Variants in SCGN observed in about 807,000 individuals in gnomAD.
SCGN encodes the protein secretagogin, EF-hand calcium binding protein, also known as secretagogin.
Under a neutral mutation model 39.7 loss-of-function variants are expected in SCGN, and 30 were observed. The observed-to-expected ratio is 0.76, with a 90% CI of 0.57 to 1.03. The LOEUF (loss-of-function observed/expected upper bound fraction) is 1.03, where lower values mean the gene tolerates loss of function less well. Among genes scored for constraint, SCGN ranks in the 50% least tolerant of loss-of-function variants. The pLI is 0.00. For missense variants in SCGN, 353 were observed against 349.4 expected, an observed-to-expected ratio of 1.01 and a Z score of -0.08; for synonymous variants, 106 against 114.1, an observed-to-expected ratio of 0.93 and a Z score of 0.45.
chr6:25,663,040 G>C (rs940050524), intron 3 of SCGN, among the ~76,000 whole-genome samples: 10 of 152,194 alleles, frequency 6.6e-5, no homozygotes, highest in Non-Finnish European at 1.2e-4. Flanking sequence ...CAACCATTTT[G>C]TCTTGTAATC....
At chr6:25,665,608 T>A (rs1015955080) in intron 4 of SCGN, among the ~76,000 whole-genome samples, 12 of 152,142 alleles carry the variant, frequency 7.9e-5, no homozygotes, top group Non-Finnish European at 1.8e-4. Flanking sequence ...AGCCTCTCAG[T>A]GTTACTGCTC....
chr6:25,690,175 G>A lies in SCGN; in HGVS notation c.633+643G>A, dbSNP rs144820707. 5.9e-3 allele frequency among the ~76,000 whole-genome samples: 905 copies of A among 152,308 alleles called. 8 individuals are homozygous for A. Among genetic ancestry groups the A allele is most frequent in the Non-Finnish European group, 0.01 (694 of 68,032 alleles). On this transcript the variant is annotated intron_variant, in intron 9 of 10. Transcript: ENST00000377961. ...GTCTAGCATAGAGGTGGTTAAACAC[G>A]TGGCTTCTGTGACCAATTACCTAGG... is the stretch of plus-strand genomic sequence containing the variant.
At chr6:25,658,970 G>A (rs1760284215) in intron 2 of SCGN, among the ~76,000 whole-genome samples, 2 of 152,114 alleles carry the variant, frequency 1.3e-5, no homozygotes, top group African/African-American at 2.4e-5. Context: ...AGATATTAGA[G>A]GATCCAATAG....
intron 6 of SCGN, among the ~76,000 whole-genome samples, chr6:25,678,445 G>A (rs1759592910): frequency 6.6e-6 from 1 of 151,848 alleles, no homozygotes; most frequent in Non-Finnish European, 1.5e-5. Context: ...AAGTACTTGG[G>A]GGCACATCAC....
At chr6:25,658,547 A>G (rs138907847) in intron 2 of SCGN, among the ~76,000 whole-genome samples, 7 of 152,204 alleles carry the variant, frequency 4.6e-5, no homozygotes, top group Non-Finnish European at 7.3e-5. Context: ...CTGATACATC[A>G]TCTCAATCAC....
intron 7 of SCGN, 116 bp downstream of exon 7, chr6:25,682,122 A>G: frequency 1.4e-6 from 1 of 716,648 alleles, no homozygotes; most frequent in East Asian, 2.7e-5. Flanking sequence ...CTAAAAGAAT[A>G]GGCACATCTT....
At chr6:25,689,343 A>T in intron 8 of SCGN, 126 bp downstream of exon 8, 1 of 1,150,528 alleles carries the variant, frequency 8.7e-7, no homozygotes, top group Non-Finnish European at 1.3e-6. Context: ...ACAGACAAGG[A>T]TCAGCATGGA....
At chr6:25,655,798 G>A (rs917182064) in intron 2 of SCGN, among the ~76,000 whole-genome samples, 17 of 152,010 alleles carry the variant, frequency 1.1e-4, no homozygotes, top group African/African-American at 3.6e-4. Context: ...TTTTCCTCTA[G>A]GAACAGTGAC....
At chr6:25,670,346 A>C (rs1561764378) in intron 6 of SCGN, among the ~76,000 whole-genome samples, 3 of 152,268 alleles carry the variant, frequency 2.0e-5, no homozygotes, top group African/African-American at 7.2e-5. Flanking sequence ...TCTAAGCATC[A>C]GGCCAATAAC....
chr6:25,661,591 C>T lies in SCGN; in HGVS notation c.193C>T (p.Gln65Ter). ...AGCAAATTTGCACAAGGTGAAACAGCAGTTTATGACTACCCAAGATGCCTC... is the reference window on the plus strand; with the variant it reads ...AGCAAATTTGCACAAGGTGAAACAGTAGTTTATGACTACCCAAGATGCCTC... ...MKANLHKVKQ[Q>*]FMTTQDASKD... The change falls in exon 3 of 11, where the codon CAG becomes TAG. Residue 65 changes from glutamine (Q) to a stop codon, truncating the protein, a stop_gained. Coordinates refer to ENST00000377961, the MANE Select transcript of SCGN (RefSeq NM_006998.4). LOFTEE classifies it high-confidence loss of function. The T allele has an allele frequency of 6.2e-7, 1 of 1,613,550 alleles. No individual in the cohort carries two copies. Among genetic ancestry groups the T allele is most frequent in the South Asian group, 1.1e-5 (1 of 91,024 alleles).
intron 10 of SCGN, among the ~76,000 whole-genome samples, chr6:25,694,059 C>A (rs1453968464): frequency 6.6e-6 from 1 of 152,196 alleles, no homozygotes. Flanking sequence ...ACTAAAAACT[C>A]AAAAAATACT....
chr6:25,661,724 T>C (rs1000365096), intron 3 of SCGN, 80 bp downstream of exon 3: 3 of 956,596 alleles, frequency 3.1e-6, no homozygotes, highest in Admixed American at 2.1e-5. Context: ...TGGGCTGTAA[T>C]ATTCTTTGAA....
At chr6:25,669,962 C>T (rs1759472899) in intron 5 of SCGN, 37 bp from the exon 6 acceptor site, 3 of 1,524,472 alleles carry the variant, frequency 2.0e-6, no homozygotes, top group Non-Finnish European at 2.7e-6. Flanking sequence ...TTTATTTGCT[C>T]ACTATATAAA....
chr6:25,694,123 C>T (rs1408028367), intron 10 of SCGN, among the ~76,000 whole-genome samples: 1 of 152,212 alleles, frequency 6.6e-6, no homozygotes, highest in Non-Finnish European at 1.5e-5. Context: ...ACTTTAGTGA[C>T]TATGATCATT....
intron 7 of SCGN, among the ~76,000 whole-genome samples, chr6:25,683,527 C>T (rs1759664788): frequency 6.6e-6 from 1 of 152,160 alleles, no homozygotes. Flanking sequence ...TATGACCTAC[C>T]TATGTATACA....
At chr6:25,664,477 G>A (rs1361508621) in intron 3 of SCGN, among the ~76,000 whole-genome samples, 1 of 152,154 alleles carries the variant, frequency 6.6e-6, no homozygotes, top group Non-Finnish European at 1.5e-5. Context: ...GTAATGGTAT[G>A]TGTGTACCCT....
chr6:25,696,595 C>T (rs550529785), intron 10 of SCGN, among the ~76,000 whole-genome samples: 86 of 152,206 alleles, frequency 5.7e-4, no homozygotes, highest in Non-Finnish European at 9.1e-4. Flanking sequence ...GGCCTTGTCC[C>T]GGGAATAAAA....
At chr6:25,655,355 G>T (rs1346169384) in intron 2 of SCGN, among the ~76,000 whole-genome samples, 1 of 152,176 alleles carries the variant, frequency 6.6e-6, no homozygotes, top group Non-Finnish European at 1.5e-5. Flanking sequence ...AGATGAGGAT[G>T]CTGTGAGATA....
chr6:25,698,893 TTCC>T (rs1428487278), intron 10 of SCGN, among the ~76,000 whole-genome samples: 3 of 152,230 alleles, frequency 2.0e-5, no homozygotes, highest in African/African-American at 7.2e-5. Flanking sequence ...TCTTTCCTCC[TTCC>T]TCCTATTTTA....
Sources: allele counts gnomAD v4.1 joint callset (sites outside exome capture counted in the v4.1 genomes callset), GRCh38; gene constraint gnomAD v4.1.1; transcripts MANE v1.5; gene names NCBI Gene and HGNC (gene_info 2026-07-23, HGNC 2026-07-21).